The following DCC variants were observed in gnomAD, a reference collection of about 807,000 sequenced individuals.
DCC encodes the protein netrin receptor DCC.
In DCC, 58 loss-of-function variants were observed where a neutral mutation model predicts 172.5. That is an observed-to-expected ratio of 0.34 (90% CI 0.27 to 0.42). The LOEUF is 0.42. DCC is among the 10% of genes least tolerant of loss of function. The pLI, the probability that DCC is intolerant of heterozygous loss-of-function variation, is 1.00. For missense variants in DCC, 1,740 were observed against 1,791.0 expected (o/e 0.97, Z 0.51); for synonymous variants, 709 against 644.5 (o/e 1.10, Z -1.52).
chr18:53,013,307 T>C (rs932844066), intron 5 of DCC, among the ~76,000 whole-genome samples: 4 of 152,072 alleles, frequency 2.6e-5, no homozygotes, highest in African/African-American at 9.7e-5. Flanking sequence ...CAAATGTCCA[T>C]AATTGATAGA....
At chr18:53,241,364 A>G (rs1044534629) in intron 12 of DCC, among the ~76,000 whole-genome samples, 1 of 152,164 alleles carries the variant, frequency 6.6e-6, no homozygotes, top group African/African-American at 2.4e-5. Context: ...GAGGTTAACC[A>G]GAGAACACAC....
intron 3 of DCC, among the ~76,000 whole-genome samples, chr18:52,912,334 A>G (rs570018339): frequency 6.6e-6 from 1 of 152,206 alleles, no homozygotes; most frequent in African/African-American, 2.4e-5. Context: ...TTAGCATTTT[A>G]GAGTTTCCAG....
At chr18:52,708,157 T>G (rs116719102) in intron 1 of DCC, among the ~76,000 whole-genome samples, 2,551 of 152,102 alleles carry the variant, frequency 0.017, 84 homozygotes, top group African/African-American at 0.059. Flanking sequence ...GAAAAAAAAT[T>G]TTGGCTGGGC....
chr18:53,314,163 A>G (rs180758598), intron 13 of DCC, among the ~76,000 whole-genome samples: 9 of 152,326 alleles, frequency 5.9e-5, no homozygotes, highest in African/African-American at 2.2e-4. Flanking sequence ...TTTCCCAAAC[A>G]AATCACAGCA....
intron 9 of DCC, among the ~76,000 whole-genome samples, chr18:53,187,167 G>A (rs2055295380): frequency 6.6e-6 from 1 of 150,534 alleles, no homozygotes; most frequent in African/African-American, 2.4e-5. Flanking sequence ...CTCTTGCCCA[G>A]GTTGGAGTGC....
At chr18:52,581,287 G>C (rs1484735419) in intron 1 of DCC, among the ~76,000 whole-genome samples, 1 of 136,480 alleles carries the variant, frequency 7.3e-6, no homozygotes, top group South Asian at 2.3e-4. Context: ...CTTCATAAAG[G>C]CTTGTTGTAT....
intron 3 of DCC, among the ~76,000 whole-genome samples, chr18:52,914,233 A>T (rs893837006): frequency 3.3e-5 from 5 of 150,834 alleles, no homozygotes; most frequent in African/African-American, 1.2e-4. Context: ...AAAAAAAATC[A>T]CTTCCTTCAG....
intron 24 of DCC, among the ~76,000 whole-genome samples, chr18:53,459,988 C>T (rs2045531305): frequency 6.9e-6 from 1 of 145,700 alleles, no homozygotes; most frequent in South Asian, 2.2e-4. Flanking sequence ...ATACAGTCAC[C>T]TTATGTGATC....
intron 13 of DCC, among the ~76,000 whole-genome samples, chr18:53,318,794 C>A (rs1419065091): frequency 6.7e-6 from 1 of 148,620 alleles, no homozygotes; most frequent in Non-Finnish European, 1.5e-5. Context: ...AAAAGCAACC[C>A]CAAGATACAT....
At chr18:53,002,236 G>A (rs1157910744) in intron 5 of DCC, among the ~76,000 whole-genome samples, 1 of 152,056 alleles carries the variant, frequency 6.6e-6, no homozygotes, top group Non-Finnish European at 1.5e-5. Context: ...GAGCTACCAT[G>A]TGATAGACTG....
intron 12 of DCC, among the ~76,000 whole-genome samples, chr18:53,288,453 A>G (rs965908300): frequency 2.0e-5 from 3 of 152,238 alleles, no homozygotes; most frequent in Non-Finnish European, 2.9e-5. Flanking sequence ...ATCTGTTAAC[A>G]TTGCTTGAAA....
intron 5 of DCC, among the ~76,000 whole-genome samples, chr18:52,965,561 A>G (rs2145576472): frequency 6.6e-6 from 1 of 152,328 alleles, no homozygotes; most frequent in South Asian, 2.1e-4. Context: ...TATGGCAGAG[A>G]AAAGTAATAA....
chr18:52,564,341 C>A (rs866464334), intron 1 of DCC, among the ~76,000 whole-genome samples: 1 of 152,158 alleles, frequency 6.6e-6, no homozygotes, highest in Middle Eastern at 3.4e-3. Flanking sequence ...GGCTGAGAAT[C>A]CCTAGCTCTT....
intron 1 of DCC, among the ~76,000 whole-genome samples, chr18:52,563,791 C>T (rs923756799): frequency 6.6e-6 from 1 of 152,054 alleles, no homozygotes; most frequent in Non-Finnish European, 1.5e-5. Context: ...TTCCTGTTTC[C>T]TGGTGTCTTA....
chr18:52,439,837 T>A (rs916291314), intron 1 of DCC, among the ~76,000 whole-genome samples: 1 of 152,226 alleles, frequency 6.6e-6, no homozygotes, highest in Non-Finnish European at 1.5e-5. Flanking sequence ...ACGCATTGCA[T>A]GCCTGTATCA....
chr18:53,000,975 G>T (rs532735565), intron 5 of DCC, among the ~76,000 whole-genome samples: 2 of 151,832 alleles, frequency 1.3e-5, no homozygotes, highest in African/African-American at 2.4e-5. Context: ...TGTGATAGGC[G>T]TGAGGATGTG....
Position 52,514,344 on chromosome 18 carries a change from A to T in DCC, c.91+173466A>T, listed in dbSNP as rs568479348. ...TTTTTTTATTGATATTTGAGGCCAG[A>T]TAATGCTTTCCTGTGAGGTGATGTC... On this transcript the variant is annotated intron_variant, in intron 1 of 28. Transcript: ENST00000442544. Among the ~76,000 whole-genome samples, 3 of 152,280 alleles carry T rather than the reference A, an allele frequency of 2.0e-5. No homozygotes were observed. The East Asian group carries it at 5.8e-4, about 29-fold the overall frequency.
chr18:52,572,705 C>G (rs1237235474), intron 1 of DCC, among the ~76,000 whole-genome samples: 1 of 152,106 alleles, frequency 6.6e-6, no homozygotes, highest in African/African-American at 2.4e-5. Flanking sequence ...CATGGGCAGA[C>G]CAAGAATCTT....
intron 1 of DCC, among the ~76,000 whole-genome samples, chr18:52,577,779 G>A (rs1415494292): frequency 6.6e-6 from 1 of 152,174 alleles, no homozygotes; most frequent in Non-Finnish European, 1.5e-5. Context: ...CATATTCTTG[G>A]CAGAGATTGC....
Sources: gnomAD v4.1 joint callset for allele counts (sites outside exome capture counted in the v4.1 genomes callset) on GRCh38, gnomAD v4.1.1 for gene constraint, MANE v1.5 for transcripts, NCBI Gene and HGNC (gene_info 2026-07-23, HGNC 2026-07-21) for gene names.